The following PLGRKT variants were observed in gnomAD, a reference collection of about 807,000 sequenced individuals.
The protein encoded by PLGRKT is plasminogen receptor with a C-terminal lysine, also known as plasminogen receptor (KT).
PLGRKT carries 22 observed loss-of-function variants against 18.5 expected under a neutral mutation model. The ratio of observed to expected loss-of-function variants is 1.19; its 90% CI spans 0.85 to 1.70. PLGRKT has a LOEUF of 1.70. Among genes scored for constraint, PLGRKT ranks in the 40% most tolerant of loss-of-function variants. The pLI is 0.00. For synonymous variants in PLGRKT, 72 were observed against 52.8 expected, an observed-to-expected ratio of 1.36 and a Z score of -1.58; for missense variants, 235 against 174.4, an observed-to-expected ratio of 1.35 and a Z score of -1.96.
intron 3 of PLGRKT, among the ~76,000 whole-genome samples, chr9:5,377,136 C>T (rs927883072): frequency 6.6e-6 from 1 of 152,158 alleles, no homozygotes; most frequent in Admixed American, 6.5e-5. Context: ...GCAACCGTTA[C>T]AATGACTTTC....
chr9:5,359,590 T>C (rs1307173010), intron 5 of PLGRKT, among the ~76,000 whole-genome samples: 3 of 152,254 alleles, frequency 2.0e-5, no homozygotes, highest in Non-Finnish European at 4.4e-5. Flanking sequence ...GTTAAAAGAA[T>C]GGCTGATGAT....
intron 3 of PLGRKT, among the ~76,000 whole-genome samples, chr9:5,376,552 A>G (rs1235848997): frequency 6.6e-6 from 1 of 152,200 alleles, no homozygotes; most frequent in Non-Finnish European, 1.5e-5. Flanking sequence ...TTAAAATTTA[A>G]AATGCACCTA....
chr9:5,387,101 T>C (rs1375322634), intron 3 of PLGRKT, among the ~76,000 whole-genome samples: 1 of 151,940 alleles, frequency 6.6e-6, no homozygotes, highest in Non-Finnish European at 1.5e-5. Context: ...TCTGATTATG[T>C]AGACCTAGGA....
chr9:5,425,634 T>A (rs1401360547), intron 3 of PLGRKT, among the ~76,000 whole-genome samples: 1 of 152,152 alleles, frequency 6.6e-6, no homozygotes, highest in Non-Finnish European at 1.5e-5. Flanking sequence ...TACATTGCAT[T>A]ACAGTCCCCT....
At chr9:5,403,513 C>A (rs946762125) in intron 3 of PLGRKT, among the ~76,000 whole-genome samples, 4 of 152,186 alleles carry the variant, frequency 2.6e-5, no homozygotes, top group African/African-American at 7.2e-5. Context: ...GCGTGAGCCA[C>A]CACGCCCAGC....
At chr9:5,359,147 C>G (rs928166411) in intron 5 of PLGRKT, among the ~76,000 whole-genome samples, 4 of 151,818 alleles carry the variant, frequency 2.6e-5, no homozygotes, top group African/African-American at 9.7e-5. Context: ...ACTGCAGCCT[C>G]TGTCTCCTGG....
intron 3 of PLGRKT, among the ~76,000 whole-genome samples, chr9:5,397,531 G>A (rs1245471141): frequency 6.6e-6 from 1 of 151,590 alleles, no homozygotes; most frequent in African/African-American, 2.4e-5. Flanking sequence ...GAAGAAAAGA[G>A]GGCAGGAAGG....
intron 3 of PLGRKT, among the ~76,000 whole-genome samples, chr9:5,389,790 C>G (rs578117346): frequency 1.3e-5 from 2 of 151,846 alleles, no homozygotes; most frequent in East Asian, 3.9e-4. Context: ...CCCTAATGAC[C>G]GAAGGCCATT....
intron 3 of PLGRKT, among the ~76,000 whole-genome samples, chr9:5,424,033 G>A (rs1198335694): frequency 1.4e-5 from 2 of 143,518 alleles, no homozygotes; most frequent in African/African-American, 5.1e-5. Context: ...GACATATATT[G>A]TATATACCAT....
chr9:5,422,264 G>A (rs974990647), intron 3 of PLGRKT, among the ~76,000 whole-genome samples: 59 of 152,118 alleles, frequency 3.9e-4, no homozygotes, highest in African/African-American at 1.4e-3. Context: ...CTAAAGGTAA[G>A]ACAACCAGAC....
intron 3 of PLGRKT, among the ~76,000 whole-genome samples, chr9:5,428,897 T>C (rs1818758513): frequency 6.6e-6 from 1 of 152,118 alleles, no homozygotes; most frequent in Non-Finnish European, 1.5e-5. Flanking sequence ...AGATGAAGTC[T>C]CACTATGTTG....
intron 3 of PLGRKT, among the ~76,000 whole-genome samples, chr9:5,378,548 A>G (rs1207070909): frequency 6.6e-6 from 1 of 152,244 alleles, no homozygotes; most frequent in African/African-American, 2.4e-5. Context: ...AAGTCAGGAT[A>G]GTGGCTATCC....
chr9:5,395,157 T>C (rs1246778360), intron 3 of PLGRKT, among the ~76,000 whole-genome samples: 2 of 150,656 alleles, frequency 1.3e-5, no homozygotes, highest in African/African-American at 2.5e-5. Flanking sequence ...TATCTTCAAA[T>C]AGGTGTAATA....
intron 2 of PLGRKT, among the ~76,000 whole-genome samples, chr9:5,434,323 T>A: frequency 7.8e-6 from 1 of 128,786 alleles, no homozygotes; most frequent in Non-Finnish European, 1.6e-5. Context: ...TGGGCGCCTC[T>A]GCCTGGCCAC....
At chr9:5,385,585 C>T (rs1377396490) in intron 3 of PLGRKT, among the ~76,000 whole-genome samples, 1 of 151,742 alleles carries the variant, frequency 6.6e-6, no homozygotes, top group Non-Finnish European at 1.5e-5. Context: ...TTCCCAGTGG[C>T]TCACATACTT....
Position 5,361,185 on chromosome 9 carries a change from G to T in PLGRKT, c.215C>A (p.Ala72Glu). The T allele has an allele frequency of 6.3e-7, 1 of 1,577,016 alleles. No homozygotes were observed. Residue 72 changes from alanine to glutamate, a missense_variant and splice_region_variant, in exon 5 of 6, where the codon GCG becomes GAG. Coordinates refer to ENST00000223864, the MANE Select transcript of PLGRKT (RefSeq NM_018465.4). ...GLAAISLTAG[A>E]IKKKKPAFLV... ...GAAGGCTGGCTTCTTTTTTTTAATC[G>T]CTCTGTTTCAAGAATTAAAAGAAGA... is the stretch of plus-strand genomic sequence containing the variant.
chr9:5,395,893 T>G lies in PLGRKT; in HGVS notation c.82-34005A>C, dbSNP rs544708440. ...GTTCATCCTCTAACCTAACAGTTTT[T>G]TTTTTTTTTTTTTTTCCTGAGACAG... On this transcript the variant is annotated intron_variant, in intron 3 of 5. Transcript: ENST00000223864. Among the ~76,000 whole-genome samples the G allele has an allele frequency of 8.3e-4, 55 of 66,582 alleles. 2 individuals carry two copies. The highest frequency in any genetic ancestry group is 6.7e-3 in the African/African-American group (52 of 7,734). The allele number at this position is 66,582 out of a possible 152,430, so 43.7% of individuals were successfully genotyped here.
intron 3 of PLGRKT, among the ~76,000 whole-genome samples, chr9:5,368,878 T>C (rs1426399105): frequency 2.6e-5 from 4 of 152,230 alleles, no homozygotes; most frequent in South Asian, 2.1e-4. Flanking sequence ...ATTCAATAAA[T>C]GGTGTTGGGA....
intron 3 of PLGRKT, among the ~76,000 whole-genome samples, chr9:5,382,335 CT>C (rs1179364393): frequency 6.6e-6 from 1 of 152,178 alleles, no homozygotes; most frequent in Non-Finnish European, 1.5e-5. Context: ...CATGGCAGGG[CT>C]GCCAGAGCTA....
Sources: gnomAD v4.1 joint callset for allele counts (sites outside exome capture counted in the v4.1 genomes callset) on GRCh38, gnomAD v4.1.1 for gene constraint, MANE v1.5 for transcripts, NCBI Gene and HGNC (gene_info 2026-07-23, HGNC 2026-07-21) for gene names.